Variants in SHISA9 observed in about 807,000 individuals in gnomAD.
The protein encoded by SHISA9 is shisa family member 9, also known as protein shisa-9.
SHISA9 carries 13 observed loss-of-function variants against 38.0 expected under a neutral mutation model. The observed-to-expected ratio is 0.34, with a 90% CI of 0.22 to 0.54. SHISA9 has a LOEUF of 0.54. SHISA9 is among the 20% of genes least tolerant of loss of function. The pLI is 0.91. For synonymous variants in SHISA9, 275 were observed against 242.0 expected (o/e 1.14, Z -1.27); for missense variants, 538 against 575.8 (o/e 0.93, Z 0.67).
At chr16:12,925,926 A>C (rs560482618) in intron 2 of SHISA9, among the ~76,000 whole-genome samples, 10 of 152,118 alleles carry the variant, frequency 6.6e-5, no homozygotes, top group Non-Finnish European at 1.3e-4. Flanking sequence ...GGGTCTCGCT[A>C]TGTTGGCCAG....
intron 2 of SHISA9, among the ~76,000 whole-genome samples, chr16:13,146,134 G>C (rs2050445344): frequency 6.6e-6 from 1 of 152,222 alleles, no homozygotes; most frequent in Admixed American, 6.5e-5. Flanking sequence ...AGGTTGCAGT[G>C]AGCCGAGATT....
At position 13,235,565 on chromosome 16, in the gene SHISA9, G is replaced by C. The variant is rs1000364904; in HGVS notation, c.*156G>C. 4 of 981,558 alleles carry C rather than the reference G, an allele frequency of 4.1e-6. No homozygotes were observed. The highest frequency in any genetic ancestry group is 5.8e-6 in the Non-Finnish European group (4 of 688,068). 60.8% of individuals were successfully genotyped at this position (981,558 alleles called of 1,614,324 possible). On this transcript the variant is annotated 3_prime_UTR_variant, in exon 5 of 5. Coordinates refer to ENST00000558583, the MANE Select transcript of SHISA9 (RefSeq NM_001145204.3). ...AAACCTACTGGGGACACAGAGTCGC[G>C]CTTTTCCTAGGTCATGCCTGTAACG...
chr16:12,910,669 A>G, intron 1 of SHISA9: 3 of 985,466 alleles, frequency 3.0e-6, no homozygotes, highest in Non-Finnish European at 3.6e-6. Context: ...TTTCAACATA[A>G]TTCTCCTGAA....
At chr16:12,909,727 A>AAGT in intron 1 of SHISA9, 1 of 321,568 alleles carries the variant, frequency 3.1e-6, no homozygotes, top group Non-Finnish European at 4.5e-6. Context: ...CCCATCACCC[A>AAGT]GTCAGTGTTA....
In SHISA9 at chr16:13,186,819, A is replaced by G. The variant is rs144233313; in HGVS notation, c.692-16575A>G. Among the ~76,000 whole-genome samples, 98 of 152,274 alleles carry G rather than the reference A, an allele frequency of 6.4e-4. No homozygotes were observed. In the East Asian group the frequency reaches 0.017, roughly 27 times the overall value. ...CCTCACAGAAATTAAATCATACAGTATTTAGTCTTTTTGTGACTGGCTAAT... is the reference window on the plus strand; with the variant it reads ...CCTCACAGAAATTAAATCATACAGTGTTTAGTCTTTTTGTGACTGGCTAAT... On this transcript the variant is annotated intron_variant, in intron 2 of 4. Coordinates refer to ENST00000558583, the MANE Select transcript of SHISA9 (RefSeq NM_001145204.3).
intron 2 of SHISA9, among the ~76,000 whole-genome samples, chr16:13,051,134 T>A (rs940319779): frequency 1.3e-5 from 2 of 152,206 alleles, no homozygotes; most frequent in Admixed American, 6.5e-5. Context: ...AATAAAGACA[T>A]ACCCAAGTCT....
the SHISA9 span, among the ~76,000 whole-genome samples, chr16:13,321,861 T>C: frequency 6.2e-4 from 94 of 152,296 alleles, 1 homozygote; most frequent in African/African-American, 2.2e-3. Context: ...CACTTAGCCT[T>C]TTGGAATTCA....
chr16:13,526,670 A>C, the SHISA9 span, among the ~76,000 whole-genome samples: 8 of 152,202 alleles, frequency 5.3e-5, no homozygotes, highest in African/African-American at 1.9e-4. Flanking sequence ...ACAGGCATGA[A>C]CTACCAGGCC....
chr16:13,157,527 G>T (rs368810350), intron 2 of SHISA9, among the ~76,000 whole-genome samples: 1 of 152,274 alleles, frequency 6.6e-6, no homozygotes, highest in African/African-American at 2.4e-5. Context: ...GAAGATTTTC[G>T]TGAGGATTGA....
chr16:13,391,171 T>A, the SHISA9 span, among the ~76,000 whole-genome samples: 1 of 152,148 alleles, frequency 6.6e-6, no homozygotes, highest in African/African-American at 2.4e-5. Context: ...TCCTGCTGAA[T>A]AGAGTAAGTG....
chr16:13,500,671 A>G, the SHISA9 span, among the ~76,000 whole-genome samples: 2 of 152,184 alleles, frequency 1.3e-5, no homozygotes, highest in East Asian at 3.9e-4. Context: ...GAGACCAGAG[A>G]CAAAAAGACA....
chr16:13,533,835 G>A, the SHISA9 span, among the ~76,000 whole-genome samples: 1 of 148,574 alleles, frequency 6.7e-6, no homozygotes, highest in East Asian at 2.0e-4. Flanking sequence ...CTAGGCTGGA[G>A]TGCAGTGGCG....
chr16:13,107,896 T>A (rs1448286271), intron 2 of SHISA9, among the ~76,000 whole-genome samples: 1 of 152,104 alleles, frequency 6.6e-6, no homozygotes, highest in Middle Eastern at 3.2e-3. Context: ...TGAATTGGGG[T>A]CTAGTCTGGT....
intron 2 of SHISA9, among the ~76,000 whole-genome samples, chr16:13,085,667 G>T (rs2073702599): frequency 6.6e-6 from 1 of 152,184 alleles, no homozygotes. Context: ...CTGGGTGTAG[G>T]AATTCTAATG....
chr16:13,147,229 G>T (rs1457406014), intron 2 of SHISA9, among the ~76,000 whole-genome samples: 1 of 152,116 alleles, frequency 6.6e-6, no homozygotes, highest in Non-Finnish European at 1.5e-5. Context: ...CAGGGCCAGG[G>T]TCTTTGAGGG....
chr16:13,476,935 G>C, the SHISA9 span, among the ~76,000 whole-genome samples: 63 of 151,902 alleles, frequency 4.1e-4, no homozygotes, highest in African/African-American at 1.5e-3. Flanking sequence ...TTTTTTAGTA[G>C]AGACGGGGTT....
In SHISA9 at chr16:13,097,985, A is replaced by G. The variant is rs968313832; in HGVS notation, c.692-105409A>G. ...AGTCAACATTAACTGAGCACTTACT[A>G]TGTGTGAACCACTGTGTCGGGTGCT... On this transcript the variant is annotated intron_variant, in intron 2 of 4. Transcript: ENST00000558583. 1.1e-4 allele frequency among the ~76,000 whole-genome samples: 16 copies of G among 152,194 alleles called. 1 individual carries two copies. The highest frequency in any genetic ancestry group is 1.9e-4 in the Non-Finnish European group (13 of 68,016).
intron 2 of SHISA9, among the ~76,000 whole-genome samples, chr16:13,146,695 TA>T (rs2050450207): frequency 6.6e-6 from 1 of 152,214 alleles, no homozygotes; most frequent in Non-Finnish European, 1.5e-5. Flanking sequence ...ACAAAAAGTT[TA>T]AAAACTTGTC....
intron 2 of SHISA9, among the ~76,000 whole-genome samples, chr16:12,918,598 A>G (rs8059176): frequency 0.05 from 7,675 of 152,238 alleles, 657 homozygotes; most frequent in African/African-American, 0.18. Context: ...CTGCTCAGAG[A>G]TGGGTGTCCA....
Sources: allele counts gnomAD v4.1 joint callset (sites outside exome capture counted in the v4.1 genomes callset), GRCh38; gene constraint gnomAD v4.1.1; transcripts MANE v1.5; gene names NCBI Gene and HGNC (gene_info 2026-07-23, HGNC 2026-07-21).